The following FBXO47 variants were observed in gnomAD, a reference collection of about 807,000 sequenced individuals.
The protein encoded by FBXO47 is F-box only protein 47.
Under a neutral mutation model 53.9 loss-of-function variants are expected in FBXO47, and 34 were observed. That is an observed-to-expected ratio of 0.63 (90% confidence interval 0.48 to 0.84). The LOEUF (loss-of-function observed/expected upper bound fraction) is 0.84, where lower values mean the gene tolerates loss of function less well. Ranked by LOEUF, FBXO47 falls within the 40% of genes least tolerant of loss-of-function variation. The pLI, the probability that FBXO47 is intolerant of heterozygous loss-of-function variation, is 0.00. For synonymous variants in FBXO47, 165 were observed against 181.6 expected (o/e 0.91, Z 0.73); for missense variants, 485 against 541.3 (o/e 0.90, Z 1.03).
intron 9 of FBXO47, 30 bp downstream of exon 9, chr17:38,942,748 C>T: frequency 6.3e-7 from 1 of 1,591,036 alleles, no homozygotes; most frequent in Non-Finnish European, 8.5e-7. Context: ...TGTTAAAAAA[C>T]TTGCTAGAGA....
At position 38,938,587 on chromosome 17, in the gene FBXO47, T is replaced by TGCA. The variant is rs1904358107; in HGVS notation, c.1226_1228dup (p.Leu409dup). Reference sequence around the variant, plus strand: ...TTCCTACTCACCAGACATAATTGATTGCAGCATTTCCATTATAACACATGC... The same window carrying TGCA: ...TTCCTACTCACCAGACATAATTGATTGCAGCAGCATTTCCATTATAACACATGC... On this transcript the variant is annotated inframe_insertion, in exon 10 of 11. Coordinates refer to ENST00000378079, the MANE Select transcript of FBXO47 (RefSeq NM_001008777.3). 6.2e-7 allele frequency: 1 copy of TGCA among 1,611,618 alleles called. No homozygotes were observed. The highest frequency in any genetic ancestry group is 8.5e-7 in the Non-Finnish European group (1 of 1,178,376).
chr17:38,939,652 C>CTTTTTTTTTTTT (rs970784178), intron 9 of FBXO47, among the ~76,000 whole-genome samples: 1 of 91,110 alleles, frequency 1.1e-5, no homozygotes, highest in Non-Finnish European at 2.1e-5. Context: ...TAAAAGGTTT[C>CTTTTTTTTTTTT]TTTTTTTTTT....
At chr17:38,949,661 TCTCA>T (rs1157004034) in intron 6 of FBXO47, among the ~76,000 whole-genome samples, 10 of 152,172 alleles carry the variant, frequency 6.6e-5, no homozygotes, top group Non-Finnish European at 1.3e-4. Flanking sequence ...GTTGTCACAT[TCTCA>T]CTAACACTTA....
chr17:38,938,287 G>A (rs1249261035), intron 10 of FBXO47, among the ~76,000 whole-genome samples: 1 of 152,162 alleles, frequency 6.6e-6, no homozygotes, highest in Non-Finnish European at 1.5e-5. Context: ...GTGCAAAATT[G>A]AAAGTGGTTC....
At chr17:38,946,280 A>G (rs1284228595) in intron 6 of FBXO47, among the ~76,000 whole-genome samples, 3 of 95,172 alleles carry the variant, frequency 3.2e-5, no homozygotes, top group Non-Finnish European at 5.7e-5. Flanking sequence ...ATATAAAAAT[A>G]TATATAAATA....
chr17:38,958,816 A>G (rs1014286303), intron 3 of FBXO47, among the ~76,000 whole-genome samples: 8 of 152,070 alleles, frequency 5.3e-5, no homozygotes, highest in African/African-American at 1.9e-4. Context: ...TTAAACAAAA[A>G]CCCTCTTTAT....
At chr17:38,939,022 G>A (rs1489659558) in intron 9 of FBXO47, among the ~76,000 whole-genome samples, 1 of 151,974 alleles carries the variant, frequency 6.6e-6, no homozygotes, top group South Asian at 2.1e-4. Context: ...GGCCAGGCAC[G>A]CTGGCTCATG....
At position 38,943,605 on chromosome 17, in the gene FBXO47, C is replaced by T. The variant is rs753558420; in HGVS notation, c.925G>A (p.Val309Ile). 5.1e-6 allele frequency: 8 copies of T among 1,583,410 alleles called. No homozygotes were observed. The African/African-American group carries it at 6.8e-5, about 14-fold the overall frequency. The change falls in exon 8 of 11, where the codon GTA (valine) becomes ATA (isoleucine). Residue 309 changes from valine to isoleucine, a missense_variant. Val to Ile is a conservative substitution (Grantham distance 29). Transcript: ENST00000378079. The stretch of plus-strand genomic sequence containing the variant: ...TATTTTTTACCTGATAGTTCATCTA[C>T]AAGACTGATAACATCATCTGCTGTC... ...EWTADDVISL[V>I]DELSVVPREW... is the part of the protein sequence containing the mutation.
intron 3 of FBXO47, among the ~76,000 whole-genome samples, chr17:38,957,636 A>C (rs1905614987): frequency 6.6e-6 from 1 of 152,156 alleles, no homozygotes; most frequent in South Asian, 2.1e-4. Context: ...TCATGTCCAC[A>C]AAGGAATATG....
chr17:38,952,884 C>T (rs1233769529), intron 5 of FBXO47, among the ~76,000 whole-genome samples: 2 of 146,778 alleles, frequency 1.4e-5, no homozygotes, highest in African/African-American at 5.1e-5. Flanking sequence ...GAACTCCTGA[C>T]CTCAGGTGAT....
In FBXO47 at chr17:38,945,952, T is replaced by A. The variant is rs867159874; in HGVS notation, c.617-816A>T. Reference sequence around the variant, plus strand: ...CTCTGGCTCAAAAAAAAAAAAAATATATATATATATATAAATATATAAATA... The same window carrying A: ...CTCTGGCTCAAAAAAAAAAAAAATAAATATATATATATAAATATATAAATA... On this transcript the variant is annotated intron_variant, in intron 6 of 10. Transcript: ENST00000378079. 9.9e-3 allele frequency among the ~76,000 whole-genome samples: 1,214 copies of A among 122,954 alleles called. 26 individuals are homozygous for A. The highest frequency in any genetic ancestry group is 0.037 in the Middle Eastern group (9 of 246). 80.7% of individuals were successfully genotyped at this position (122,954 alleles called of 152,430 possible). A position where few individuals can be genotyped will look rare whatever the true frequency, so the allele number is the denominator to read the frequency against.
At chr17:38,948,042 A>C (rs1905027733) in intron 6 of FBXO47, among the ~76,000 whole-genome samples, 6 of 152,118 alleles carry the variant, frequency 3.9e-5, no homozygotes, top group Admixed American at 3.9e-4. Flanking sequence ...GTATATTCAC[A>C]GATATGTGCA....
intron 6 of FBXO47, among the ~76,000 whole-genome samples, chr17:38,950,553 G>A (rs1905222127): frequency 6.6e-6 from 1 of 150,560 alleles, no homozygotes; most frequent in African/African-American, 2.4e-5. Context: ...TCCCACTTCG[G>A]CCTCCTAAAG....
chr17:38,957,833 A>AATTTC (rs1223862797), intron 3 of FBXO47, among the ~76,000 whole-genome samples: 3 of 150,504 alleles, frequency 2.0e-5, no homozygotes, highest in Non-Finnish European at 4.4e-5. Flanking sequence ...AAGCCCAGCT[A>AATTTC]ATTTTATTTT....
intron 3 of FBXO47, among the ~76,000 whole-genome samples, chr17:38,957,811 G>GT (rs1905628852): frequency 6.7e-6 from 1 of 150,284 alleles, no homozygotes; most frequent in African/African-American, 2.4e-5. Context: ...AGTGATCCTC[G>GT]TGTGTGCCAC....
At chr17:38,966,548 G>A (rs1318012313) in intron 1 of FBXO47, among the ~76,000 whole-genome samples, 1 of 152,092 alleles carries the variant, frequency 6.6e-6, no homozygotes, top group Non-Finnish European at 1.5e-5. Context: ...GCATAAATCC[G>A]GCCTTGGCTT....
chr17:38,939,848 T>C (rs1367640930), intron 9 of FBXO47, among the ~76,000 whole-genome samples: 1 of 150,226 alleles, frequency 6.7e-6, no homozygotes, highest in Non-Finnish European at 1.5e-5. Flanking sequence ...TTTGTATTTT[T>C]AGTAGAGACG....
chr17:38,960,527 G>A (rs537319610), intron 3 of FBXO47, among the ~76,000 whole-genome samples: 11 of 152,006 alleles, frequency 7.2e-5, no homozygotes, highest in Non-Finnish European at 1.6e-4. Flanking sequence ...ACTTGATCAG[G>A]GAGAAAAATT....
chr17:38,957,285 A>G, intron 3 of FBXO47, 32 bp from the exon 4 acceptor site: 1 of 1,419,158 alleles, frequency 7.0e-7, no homozygotes, highest in East Asian at 2.3e-5. Flanking sequence ...AGAAAAAATG[A>G]CAACAATACA....
Sources: allele counts gnomAD v4.1 joint callset (sites outside exome capture counted in the v4.1 genomes callset), GRCh38; gene constraint gnomAD v4.1.1; transcripts MANE v1.5; gene names NCBI Gene and HGNC (gene_info 2026-07-23, HGNC 2026-07-21).